SPATA13: variants seen among roughly 807,000 people sequenced by gnomAD.
SPATA13 encodes spermatogenesis associated 13, also known as spermatogenesis-associated protein 13.
In SPATA13, 50 loss-of-function variants were observed where a neutral mutation model predicts 104.0. The ratio of observed to expected loss-of-function variants is 0.48; its 90% CI spans 0.38 to 0.61. The LOEUF (loss-of-function observed/expected upper bound fraction) is 0.61. Among genes scored for constraint, SPATA13 ranks in the 20% least tolerant of loss-of-function variants. SPATA13 has a pLI of 0.00. For synonymous variants in SPATA13, 606 were observed against 667.5 expected, an observed-to-expected ratio of 0.91 and a Z score of 1.42; for missense variants, 1,524 against 1,690.6, an observed-to-expected ratio of 0.90 and a Z score of 1.73.
intron 2 of SPATA13, among the ~76,000 whole-genome samples, chr13:24,237,555 T>C (rs1041092131): frequency 1.3e-5 from 2 of 152,112 alleles, no homozygotes; most frequent in Admixed American, 1.3e-4. Context: ...AAGAGAGTAT[T>C]TAATGGGTTC....
intron 3 of SPATA13, among the ~76,000 whole-genome samples, chr13:24,076,942 A>G (rs1879349974): frequency 6.6e-6 from 1 of 152,002 alleles, no homozygotes; most frequent in African/African-American, 2.4e-5. Context: ...ACCTCGCCTT[A>G]TTCCTAAGAC....
intron 2 of SPATA13, among the ~76,000 whole-genome samples, chr13:24,234,123 C>T (rs1233092755): frequency 6.6e-6 from 1 of 152,092 alleles, no homozygotes; most frequent in East Asian, 1.9e-4. Flanking sequence ...AATGCCAACT[C>T]TTATAGAAAT....
At chr13:24,288,953 T>A in intron 7 of SPATA13, 46 bp from the exon 8 acceptor site, 1 of 1,527,764 alleles carries the variant, frequency 6.5e-7, no homozygotes, top group Non-Finnish European at 8.8e-7. Flanking sequence ...ATTCAAATAA[T>A]TTATTTGGAT....
chr13:24,128,461 T>C (rs1056268990), intron 3 of SPATA13, among the ~76,000 whole-genome samples: 3 of 152,156 alleles, frequency 2.0e-5, no homozygotes, highest in Non-Finnish European at 4.4e-5. Flanking sequence ...AGAAGGGTGT[T>C]GCTCAGAGGT....
chr13:24,042,974 C>T (rs567850344), intron 3 of SPATA13, among the ~76,000 whole-genome samples: 35 of 152,320 alleles, frequency 2.3e-4, no homozygotes, highest in East Asian at 9.6e-4. Flanking sequence ...CCTCAAGTGG[C>T]CTGGGTTGAG....
At chr13:24,112,969 G>A (rs552594126) in intron 3 of SPATA13, among the ~76,000 whole-genome samples, 169 of 152,266 alleles carry the variant, frequency 1.1e-3, no homozygotes, top group African/African-American at 3.9e-3. Context: ...TCAACAGGAG[G>A]GGCTACTTAC....
intron 3 of SPATA13, among the ~76,000 whole-genome samples, chr13:24,031,968 C>A (rs903376494): frequency 3.3e-5 from 5 of 152,176 alleles, no homozygotes; most frequent in Non-Finnish European, 7.3e-5. Context: ...TAAGTTCTGA[C>A]AATGATTCTT....
At chr13:23,987,437 AG>A (rs1875204300) in intron 2 of SPATA13, among the ~76,000 whole-genome samples, 1 of 152,304 alleles carries the variant, frequency 6.6e-6, no homozygotes, top group African/African-American at 2.4e-5. Flanking sequence ...AGTACTTCTA[AG>A]GTTAAATATT....
intron 2 of SPATA13, among the ~76,000 whole-genome samples, chr13:24,014,773 GTTA>G: frequency 6.6e-6 from 1 of 150,918 alleles, no homozygotes; most frequent in South Asian, 2.1e-4. Flanking sequence ...AATTAAGGGT[GTTA>G]TTCACACAAG....
At chr13:24,176,961 G>A (rs1868471252) in intron 1 of SPATA13, among the ~76,000 whole-genome samples, 1 of 151,978 alleles carries the variant, frequency 6.6e-6, no homozygotes, top group Non-Finnish European at 1.5e-5. Context: ...ACAGGGTTTC[G>A]TCATGTTGGC....
chr13:24,270,775 G>T, intron 4 of SPATA13: 1 of 1,607,886 alleles, frequency 6.2e-7, no homozygotes, highest in Non-Finnish European at 8.5e-7. Flanking sequence ...GCCAGCCTGT[G>T]CAGTCCTCTG....
intron 9 of SPATA13, among the ~76,000 whole-genome samples, chr13:24,291,543 G>T (rs573223089): frequency 6.6e-6 from 1 of 152,274 alleles, no homozygotes; most frequent in Admixed American, 6.5e-5. Context: ...ACCCACCGGG[G>T]TGCCGACTCT....
rs138948662 is a variant in SPATA13, at chr13:24,149,004, T to C, written c.-111-73815T>C. Among the ~76,000 whole-genome samples, 53 of 152,266 alleles carry C rather than the reference T, an allele frequency of 3.5e-4. 1 individual carries two copies. Among genetic ancestry groups the C allele is most frequent in the African/African-American group, 1.2e-3 (51 of 41,550 alleles). ...GGGTTGGTGACTGGGCTTGGAGGAA[T>C]GTAGGCTCCGTCCACAAACAAAGGA... is the stretch of plus-strand genomic sequence containing the variant. On this transcript the variant is annotated intron_variant, in intron 3 of 14. Transcript: ENST00000424834.
At chr13:23,982,849 C>T (rs1006865587) in intron 1 of SPATA13, among the ~76,000 whole-genome samples, 1 of 152,162 alleles carries the variant, frequency 6.6e-6, no homozygotes, top group Admixed American at 6.5e-5. Flanking sequence ...ACCAGGTACA[C>T]GTGTGAGCTT....
At chr13:24,025,800 T>TCTTC (rs1236794810) in intron 3 of SPATA13, among the ~76,000 whole-genome samples, 15 of 112,964 alleles carry the variant, frequency 1.3e-4, no homozygotes, top group Admixed American at 5.7e-4. Flanking sequence ...ACCTTTTCTT[T>TCTTC]CTTTCTTTCT....
chr13:24,197,397 A>G (rs1034894216), intron 1 of SPATA13, among the ~76,000 whole-genome samples: 17 of 152,250 alleles, frequency 1.1e-4, no homozygotes, highest in African/African-American at 4.1e-4. Flanking sequence ...TAAATGTATC[A>G]TGAATATGTG....
intron 4 of SPATA13, among the ~76,000 whole-genome samples, chr13:24,277,443 CAAA>C (rs751513515): frequency 3.9e-5 from 2 of 50,730 alleles, no homozygotes; most frequent in Non-Finnish European, 3.8e-5. Flanking sequence ...GACTCCGTCT[CAAA>C]AAAAAAAAAA....
At chr13:24,176,764 A>T (rs1235706092) in intron 1 of SPATA13, among the ~76,000 whole-genome samples, 1 of 152,188 alleles carries the variant, frequency 6.6e-6, no homozygotes, top group Non-Finnish European at 1.5e-5. Flanking sequence ...AATTATTAAT[A>T]GATCACAAGT....
intron 3 of SPATA13, among the ~76,000 whole-genome samples, chr13:24,074,956 C>T (rs1226123579): frequency 6.6e-6 from 1 of 152,170 alleles, no homozygotes; most frequent in Admixed American, 6.5e-5. Flanking sequence ...CTGTGATTGG[C>T]GAAACTCTGT....
Sources: allele counts gnomAD v4.1 joint callset (sites outside exome capture counted in the v4.1 genomes callset), GRCh38; gene constraint gnomAD v4.1.1; transcripts MANE v1.5; gene names NCBI Gene and HGNC (gene_info 2026-07-23, HGNC 2026-07-21).